GNL3L: variants seen among roughly 807,000 people sequenced by gnomAD.
GNL3L encodes guanine nucleotide-binding protein-like 3-like protein.
GNL3L carries 4 observed loss-of-function variants against 42.9 expected under a neutral mutation model. The observed-to-expected ratio is 0.09, with a 90% CI of 0.05 to 0.21. The LOEUF is 0.21. Among genes scored for constraint, GNL3L ranks in the 10% least tolerant of loss-of-function variants. The pLI, the probability that GNL3L is intolerant of heterozygous loss-of-function variation, is 1.00. For synonymous variants in GNL3L, 159 were observed against 176.3 expected (o/e 0.90, Z 0.78); for missense variants, 412 against 481.7 (o/e 0.86, Z 1.36).
At chrX:54,577,178 T>A (rs7063293) in intron 16 of GNL3L, among the ~76,000 whole-genome samples, 2,044 of 112,366 alleles carry the variant, frequency 0.018, 36 homozygotes, top group African/African-American at 0.063. Context: ...GCGACTGGCT[T>A]ATTTCACTTA....
At chrX:54,567,425 TC>T (rs1925465145), downstream of GNL3L, among the ~76,000 whole-genome samples, 1 of 110,079 alleles carries the variant, frequency 9.1e-6, no homozygotes, top group South Asian at 3.9e-4. Flanking sequence ...GGTGGGCTGA[TC>T]ACCTGAGGTC....
chrX:54,597,881 C>G (rs1477714683), intron 16 of GNL3L, among the ~76,000 whole-genome samples: 1 of 111,206 alleles, frequency 9.0e-6, no homozygotes, highest in African/African-American at 3.3e-5. Context: ...GCCGCCAGCA[C>G]ACAGGAATGC....
At chrX:54,621,407 CTT>C (rs1569542737) in exon 17 of GNL3L, among the ~76,000 whole-genome samples, 2 of 111,724 alleles carry the variant, frequency 1.8e-5, no homozygotes, top group Non-Finnish European at 1.9e-5. Flanking sequence ...AGTGAGCCTT[CTT>C]GGACATCCAG....
At chrX:54,546,306 G>A (rs1165634058) in intron 8 of GNL3L, among the ~76,000 whole-genome samples, 1 of 111,185 alleles carries the variant, frequency 9.0e-6, no homozygotes, top group Non-Finnish European at 1.9e-5. Flanking sequence ...GTGCCTTTTC[G>A]AGGCTGAATA....
chrX:54,550,619 T>C (rs1360249329), intron 9 of GNL3L, among the ~76,000 whole-genome samples: 1 of 111,556 alleles, frequency 9.0e-6, no homozygotes, highest in Non-Finnish European at 1.9e-5. Context: ...CCAGACAGGT[T>C]GTTCTCTGTT....
At chrX:54,644,872 T>C in the GNL3L span, among the ~76,000 whole-genome samples, 1 of 112,162 alleles carries the variant, frequency 8.9e-6, no homozygotes, top group African/African-American at 3.2e-5. Flanking sequence ...CATTGTCTTT[T>C]ATAATATCGA....
At chrX:54,620,879 A>C (rs1569542733) in exon 17 of GNL3L, among the ~76,000 whole-genome samples, 1 of 112,421 alleles carries the variant, frequency 8.9e-6, no homozygotes, top group South Asian at 3.7e-4. Context: ...TGGCTGTCAC[A>C]GCTCCAGACA....
At chrX:54,570,127 T>C (rs1327825726), downstream of GNL3L, among the ~76,000 whole-genome samples, 1 of 112,003 alleles carries the variant, frequency 8.9e-6, no homozygotes, top group Non-Finnish European at 1.9e-5. Flanking sequence ...GCCTACTTGT[T>C]CTATCAGTTA....
At position 54,563,652 on chromosome X, in the gene GNL3L, G is replaced by A. The variant is rs777152757; in HGVS notation, c.*3050G>A. ...AATACAAAGATTAGCTGGGCATGGTGTCTCATGCCTGTAGTCCCAGCTACC... is the reference window on the plus strand; with the variant it reads ...AATACAAAGATTAGCTGGGCATGGTATCTCATGCCTGTAGTCCCAGCTACC... On this transcript the variant is annotated 3_prime_UTR_variant, in exon 16 of 16. Coordinates refer to ENST00000360845, the MANE Select transcript of GNL3L (RefSeq NM_001184819.2). Among the ~76,000 whole-genome samples, 1 of 108,687 alleles carries A rather than the reference G, an allele frequency of 9.2e-6. No individual in the cohort carries two copies. Among genetic ancestry groups the A allele is most frequent in the South Asian group, 3.9e-4 (1 of 2,557 alleles). The allele number at this position is 108,687 out of a possible 115,157, so 94.4% of individuals were successfully genotyped here.
intron 16 of GNL3L, among the ~76,000 whole-genome samples, chrX:54,603,569 T>C (rs1041507062): frequency 4.5e-5 from 5 of 111,669 alleles, no homozygotes; most frequent in Non-Finnish European, 9.4e-5. Context: ...TTAGCAGCAA[T>C]TGGACATATT....
chrX:54,537,025 T>C (rs1248254100), intron 2 of GNL3L, among the ~76,000 whole-genome samples: 4 of 99,849 alleles, frequency 4.0e-5, no homozygotes, highest in Non-Finnish European at 7.8e-5. Flanking sequence ...TGGTTGTTAA[T>C]CTTTTTTTTT....
intron 16 of GNL3L, among the ~76,000 whole-genome samples, chrX:54,598,011 G>T (rs1233331783): frequency 1.8e-5 from 2 of 111,022 alleles, no homozygotes; most frequent in African/African-American, 6.6e-5. Flanking sequence ...ACCAGGTACT[G>T]TAAGTGCTTA....
At chrX:54,617,069 G>A (rs184620515) in intron 16 of GNL3L, among the ~76,000 whole-genome samples, 1 of 112,051 alleles carries the variant, frequency 8.9e-6, no homozygotes, top group East Asian at 2.8e-4. Context: ...TAACCAAGAA[G>A]GAGGCTGTTC....
In GNL3L at chrX:54,609,576, A is replaced by G. The variant is rs745999374; in HGVS notation, c.*46-11269A>G. Among the ~76,000 whole-genome samples, 3 of 112,202 alleles carry G rather than the reference A, an allele frequency of 2.7e-5. No homozygotes were observed. In the South Asian group the frequency reaches 1.1e-3, roughly 42 times the overall value. ...TCATTCTCCTACATGTGGCTAGCCA[A>G]TTATTCCAGCACGATTTGTTGAATA... is the stretch of plus-strand genomic sequence containing the variant. On this transcript the variant is annotated intron_variant, in intron 16 of 16. Coordinates refer to the GNL3L transcript ENST00000674498.
In GNL3L at chrX:54,532,543, C is replaced by T. The variant is rs776783384; in HGVS notation, c.-24C>T. On this transcript the variant is annotated 5_prime_UTR_variant, in exon 2 of 16. Coordinates refer to ENST00000360845, the MANE Select transcript of GNL3L (RefSeq NM_001184819.2). Reference sequence around the variant, plus strand: ...AGGAAGAGAGCAAGCAGATTTGAACCTATCTGCTTTCAAGCTGGTCATCAT... The same window carrying T: ...AGGAAGAGAGCAAGCAGATTTGAACTTATCTGCTTTCAAGCTGGTCATCAT... 1.5e-5 allele frequency: 17 copies of T among 1,172,361 alleles called. No homozygotes were observed. The highest frequency in any genetic ancestry group is 1.7e-5 in the Non-Finnish European group (15 of 860,892).
intron 5 of GNL3L, 54 bp from the exon 6 acceptor site, chrX:54,542,901 T>G (rs900308876): frequency 1.7e-5 from 13 of 754,866 alleles, no homozygotes; most frequent in Non-Finnish European, 2.7e-5. Flanking sequence ...TGCTTCTCTT[T>G]CTCGCTCTCT....
intron 16 of GNL3L, among the ~76,000 whole-genome samples, chrX:54,587,748 T>A (rs1925805347): frequency 9.1e-6 from 1 of 109,417 alleles, no homozygotes. Context: ...TGGCACGATC[T>A]CAGCTCACTG....
intron 8 of GNL3L, among the ~76,000 whole-genome samples, chrX:54,546,070 A>G (rs977223652): frequency 6.2e-5 from 7 of 112,032 alleles, no homozygotes; most frequent in African/African-American, 2.3e-4. Context: ...TTTGGTGCCC[A>G]GGCTGGTCTT....
rs766558764 is a variant in GNL3L at position 54,616,547 on chromosome X, T to C, written c.*46-4298T>C. On this transcript the variant is annotated intron_variant, in intron 16 of 16. Transcript: ENST00000674498. ...AAAAGTCTTTTGGCAAAATTATTTC[T>C]ACTTTTAAGTAGTTTTTGTTCCCGT... Among the ~76,000 whole-genome samples the C allele has an allele frequency of 1.2e-4, 13 of 112,428 alleles. No individual in the cohort carries two copies. In the East Asian group the frequency reaches 1.9e-3, roughly 17 times the overall value.
Sources: allele counts gnomAD v4.1 joint callset (sites outside exome capture counted in the v4.1 genomes callset), GRCh38; gene constraint gnomAD v4.1.1; transcripts MANE v1.5; gene names NCBI Gene and HGNC (gene_info 2026-07-23, HGNC 2026-07-21).